Variants in KCNN1 observed in about 807,000 individuals in gnomAD.
KCNN1 encodes potassium calcium-activated channel subfamily N member 1, also known as small conductance calcium-activated potassium channel protein 1.
KCNN1 carries 20 observed loss-of-function variants against 44.7 expected under a neutral mutation model. The observed-to-expected ratio is 0.45, with a 90% CI of 0.32 to 0.65. The LOEUF is 0.65. Ranked by LOEUF, KCNN1 falls within the 30% of genes least tolerant of loss-of-function variation. The pLI is 0.05. For synonymous variants in KCNN1, 324 were observed against 341.7 expected (o/e 0.95, Z 0.57); for missense variants, 632 against 785.3 (o/e 0.80, Z 2.33).
In KCNN1 at chr19:17,974,930, A is replaced by G. The variant is rs918982093; in HGVS notation, c.403-162A>G. ...AAGCTGTTTCACACACAGCAGCCCC[A>G]GGACTGGGGAACTAGCAGAAATTCA... On this transcript the variant is annotated intron_variant, in intron 2 of 9. Coordinates refer to ENST00000684775, the MANE Select transcript of KCNN1 (RefSeq NM_001386974.1). This position sits in a 1 kb window ranked among gnomAD's most constrained non-coding sequence, Gnocchi z 7.3. Among the ~76,000 whole-genome samples, 1 of 152,222 alleles carries G rather than the reference A, an allele frequency of 6.6e-6. No individual in the cohort carries two copies. Among genetic ancestry groups the G allele is most frequent in the Admixed American group, 6.5e-5 (1 of 15,278 alleles).
chr19:17,973,941 C>A lies in KCNN1; in HGVS notation c.53C>A (p.Pro18Gln), dbSNP rs1335077250. The A allele has an allele frequency of 3.2e-6, 5 of 1,557,098 alleles. No homozygotes were observed. Among genetic ancestry groups the A allele is most frequent in the South Asian group, 1.2e-5 (1 of 85,218 alleles). ...GSVGRPLGSG[P>Q]GALGRDPPDP... Reference sequence around the variant, plus strand: ...GTGGGGCGGCCGCTGGGCAGCGGGCCGGGCGCCCTGGGACGAGACCCTCCG... The same window carrying A: ...GTGGGGCGGCCGCTGGGCAGCGGGCAGGGCGCCCTGGGACGAGACCCTCCG... Residue 18 changes from proline to glutamine, a missense_variant, in exon 2 of 10, where the codon CCG becomes CAG. Pro to Gln is a moderately conservative substitution (Grantham distance 76). Coordinates refer to ENST00000684775, the MANE Select transcript of KCNN1 (RefSeq NM_001386974.1).
At chr19:17,965,904 G>C (rs531881590), upstream of KCNN1, among the ~76,000 whole-genome samples, 18 of 152,158 alleles carry the variant, frequency 1.2e-4, no homozygotes, top group South Asian at 3.5e-3. Context: ...CCAGGGGAGG[G>C]AACAAAGGTC....
chr19:17,988,666 T>A (rs752372334), intron 6 of KCNN1, 141 bp downstream of exon 6: 5 of 697,358 alleles, frequency 7.2e-6, no homozygotes, highest in Non-Finnish European at 1.2e-5. Context: ...CTGTGCTGGC[T>A]TTGGGAGGCC....
At chr19:17,961,147 C>T (rs1050760887) in intron 2 of KCNN1, among the ~76,000 whole-genome samples, 13 of 147,160 alleles carry the variant, frequency 8.8e-5, no homozygotes, top group African/African-American at 3.0e-4. Context: ...GATCACACCA[C>T]TGCACTCCAG....
chr19:17,979,629 T>C (rs2145940247), intron 3 of KCNN1, among the ~76,000 whole-genome samples: 1 of 151,870 alleles, frequency 6.6e-6, no homozygotes, highest in South Asian at 2.1e-4. Flanking sequence ...ATGTTATGTA[T>C]CTTGGCGCTC....
rs996314191 is a variant in KCNN1 at position 17,983,780 on chromosome 19, C to T, written c.918-1532C>T. ...GCTCCGTCTGGATCTGGGGCTCACC[C>T]ACCCACCGACTAGAGGGCACCCCCC... On this transcript the variant is annotated intron_variant, in intron 4 of 9. Transcript: ENST00000684775. This position sits in a 1 kb window ranked among gnomAD's most constrained non-coding sequence, Gnocchi z 4.5. Among the ~76,000 whole-genome samples, 4 of 151,978 alleles carry T rather than the reference C, an allele frequency of 2.6e-5. No individual in the cohort carries two copies. The highest frequency in any genetic ancestry group is 7.2e-5 in the African/African-American group (3 of 41,392).
At chr19:17,970,490 T>C (rs2031981447) in intron 1 of KCNN1, among the ~76,000 whole-genome samples, 1 of 150,798 alleles carries the variant, frequency 6.6e-6, no homozygotes, top group Admixed American at 6.6e-5. Flanking sequence ...GCTAATTTTG[T>C]ATTTTTAGTA....
intron 3 of KCNN1, among the ~76,000 whole-genome samples, chr19:17,979,642 C>T (rs2032330940): frequency 6.6e-6 from 1 of 151,914 alleles, no homozygotes; most frequent in Non-Finnish European, 1.5e-5. Context: ...TGGCGCTCCC[C>T]TCATCTCCCC....
chr19:17,966,019 G>GCCTTCCTT (rs1267649298), upstream of KCNN1, among the ~76,000 whole-genome samples: 21 of 132,126 alleles, frequency 1.6e-4, no homozygotes, highest in Admixed American at 6.8e-4. Flanking sequence ...CTGCCTGCCT[G>GCCTTCCTT]CCTGCCTTCC....
chr19:17,978,852 C>G (rs1368857279), intron 3 of KCNN1, among the ~76,000 whole-genome samples: 1 of 150,578 alleles, frequency 6.6e-6, no homozygotes, highest in Non-Finnish European at 1.5e-5. Context: ...CACAGGAGTT[C>G]GAGATCAGCC....
intron 4 of KCNN1, among the ~76,000 whole-genome samples, chr19:17,985,052 G>A (rs145864884): frequency 8.0e-4 from 121 of 152,156 alleles, no homozygotes; most frequent in African/African-American, 2.6e-3. Context: ...TCGTTGGGAG[G>A]GGGATTGTAT....
At position 17,993,458 on chromosome 19, in the gene KCNN1, T is replaced by A; in HGVS notation, c.1308-32T>A. ...ACTGCAGCCTCCACGGGAACCTGCC[T>A]AACCCCCTCCCCCAACCCCGTGTCC... On this transcript the variant is annotated intron_variant, in intron 8 of 9. Coordinates refer to ENST00000684775, the MANE Select transcript of KCNN1 (RefSeq NM_001386974.1). The surrounding 1 kb of genome is among the most constrained non-coding windows in gnomAD (Gnocchi z 4.5). 1 of 1,571,518 alleles carries A rather than the reference T, an allele frequency of 6.4e-7. No homozygotes were observed. The highest frequency in any genetic ancestry group is 8.7e-7 in the Non-Finnish European group (1 of 1,144,462).
intron 2 of KCNN1, among the ~76,000 whole-genome samples, chr19:17,960,987 A>T (rs1848632051): frequency 6.6e-6 from 1 of 152,060 alleles, no homozygotes; most frequent in Non-Finnish European, 1.5e-5. Flanking sequence ...GGAGTTGGAG[A>T]CCAACCTGGT....
Position 17,974,206 on chromosome 19 carries a change from C to T in KCNN1, c.318C>T (p.Leu106=). ...CGCTCTTCGAGAAGCGGAAGCGCCT[C>T]AGCGACTATGCCCTCATTTTCGGCA... is the stretch of plus-strand genomic sequence containing the variant. The part of the protein sequence containing the change: ...RRALFEKRKR[L]SDYALIFGMF... The change falls in exon 2 of 10, where the codon CTC becomes CTT. Residue 106 remains leucine (L), a synonymous_variant. Coordinates refer to ENST00000684775, the MANE Select transcript of KCNN1 (RefSeq NM_001386974.1). This position sits in a 1 kb window ranked among gnomAD's most constrained non-coding sequence, Gnocchi z 7.3. 1 of 1,613,260 alleles carries T rather than the reference C, an allele frequency of 6.2e-7. No homozygotes were observed. Among genetic ancestry groups the T allele is most frequent in the Non-Finnish European group, 8.5e-7 (1 of 1,179,660 alleles).
intron 2 of KCNN1, among the ~76,000 whole-genome samples, chr19:17,956,903 A>G (rs2145899238): frequency 6.6e-6 from 1 of 151,780 alleles, no homozygotes; most frequent in East Asian, 1.9e-4. Context: ...AAAATTAGCC[A>G]GGGGTGATGT....
chr19:17,987,411 G>A (rs984842755), intron 5 of KCNN1, among the ~76,000 whole-genome samples: 3 of 152,104 alleles, frequency 2.0e-5, no homozygotes, highest in Non-Finnish European at 4.4e-5. Context: ...CACCTGGTCC[G>A]TGTCTGCTTT....
chr19:17,973,013 G>T (rs2032074587), intron 1 of KCNN1, among the ~76,000 whole-genome samples: 1 of 152,226 alleles, frequency 6.6e-6, no homozygotes, highest in East Asian at 1.9e-4. Context: ...GGAATCTGGT[G>T]ATTGGGAGAC....
rs1412504805 is a variant in KCNN1, at chr19:17,973,813, T to G, written c.-76T>G. 7.2e-6 allele frequency: 11 copies of G among 1,523,652 alleles called. No individual in the cohort carries two copies. The Admixed American group carries it at 2.1e-4, about 29-fold the overall frequency. The allele number at this position is 1,523,652 out of a possible 1,614,324, so 94.4% of individuals were successfully genotyped here. A position where few individuals can be genotyped will look rare whatever the true frequency, so the allele number is the denominator to read the frequency against. ...GTCCCTCTGTGCCCTTGCAGGTCAG[T>G]GCAGGAGCCCAGCCGCTGAGCCATG... On this transcript the variant is annotated 5_prime_UTR_variant, in exon 2 of 10. Coordinates refer to ENST00000684775, the MANE Select transcript of KCNN1 (RefSeq NM_001386974.1).
intron 3 of KCNN1, among the ~76,000 whole-genome samples, chr19:17,977,552 G>T (rs1343081153): frequency 6.6e-6 from 1 of 151,814 alleles, no homozygotes; most frequent in African/African-American, 2.4e-5. Context: ...GTCTTACCAT[G>T]TTGGCCAGGC....
Sources: allele counts gnomAD v4.1 joint callset (sites outside exome capture counted in the v4.1 genomes callset), GRCh38; gene constraint gnomAD v4.1.1; non-coding constraint Gnocchi (gnomAD v3.1); transcripts MANE v1.5; gene names NCBI Gene and HGNC (gene_info 2026-07-23, HGNC 2026-07-21).